Variants in PCDHGA7 observed in about 807,000 individuals in gnomAD.
PCDHGA7 encodes the protein protocadherin gamma subfamily A, 7.
Under a neutral mutation model 58.3 loss-of-function variants are expected in PCDHGA7, and 44 were observed. That is an observed-to-expected ratio of 0.75 (90% CI 0.59 to 0.97). The LOEUF is 0.97. Ranked by LOEUF, PCDHGA7 falls within the 50% of genes least tolerant of loss-of-function variation. PCDHGA7 has a pLI of 0.00. For missense variants in PCDHGA7, 1,266 were observed against 1,188.7 expected (o/e 1.06, Z -0.96); for synonymous variants, 516 against 504.2 (o/e 1.02, Z -0.31).
chr5:141,423,544 C>G, intron 1 of PCDHGA7: 1 of 1,613,744 alleles, frequency 6.2e-7, no homozygotes, highest in African/African-American at 1.3e-5. Flanking sequence ...GATTTTCCCC[C>G]AGCCCAACTA....
intron 1 of PCDHGA7, chr5:141,394,262 G>A: frequency 6.2e-7 from 1 of 1,613,952 alleles, no homozygotes; most frequent in Non-Finnish European, 8.5e-7. Flanking sequence ...ACAGCCAGGA[G>A]AATGCCCAGG....
intron 1 of PCDHGA7, chr5:141,422,608 T>A: frequency 5.0e-6 from 8 of 1,613,956 alleles, no homozygotes; most frequent in Non-Finnish European, 5.1e-6. Context: ...TTACTCTGCC[T>A]ACATTCCCGA....
Position 141,432,731 on chromosome 5 carries a change from G to C in PCDHGA7, c.2424+47408G>C, listed in dbSNP as rs1244820860. On this transcript the variant is annotated intron_variant, in intron 1 of 3. Coordinates refer to ENST00000518325, the MANE Select transcript of PCDHGA7 (RefSeq NM_018920.4). This position sits in a 1 kb window ranked among gnomAD's most constrained non-coding sequence, Gnocchi z 6.0. ...CGGCCAGCCCCCTCTCTCCGCCACT[G>C]TCACGCTCACCGTGGCCGTGGCCGA... The C allele has an allele frequency of 6.2e-7, 1 of 1,614,068 alleles. No homozygotes were observed.
rs540507159 is a variant in PCDHGA7 at position 141,422,671 on chromosome 5, A to G, written c.2424+37348A>G. On this transcript the variant is annotated intron_variant, in intron 1 of 3. Coordinates refer to ENST00000518325, the MANE Select transcript of PCDHGA7 (RefSeq NM_018920.4). The stretch of plus-strand genomic sequence containing the variant: ...CTCAGTGACCGCCCTCGACCCGGAC[A>G]GCAAACAGAATGCCCTGGTCACTTA... 4 of 1,607,248 alleles carry G rather than the reference A, an allele frequency of 2.5e-6. No homozygotes were observed. The Admixed American group carries it at 5.0e-5, about 20-fold the overall frequency.
chr5:141,409,226 G>A (rs753236012), intron 1 of PCDHGA7: 1 of 1,613,862 alleles, frequency 6.2e-7, no homozygotes, highest in African/African-American at 1.3e-5. Flanking sequence ...TGATGAAAAC[G>A]ACAACAGCCC....
At chr5:141,395,437 G>T in intron 1 of PCDHGA7, 1 of 668,370 alleles carries the variant, frequency 1.5e-6, no homozygotes, top group Non-Finnish European at 2.4e-6. Context: ...TAAACGACTT[G>T]GAAAAGATTG....
chr5:141,504,786 C>T (rs568185327), intron 2 of PCDHGA7, among the ~76,000 whole-genome samples: 1 of 152,132 alleles, frequency 6.6e-6, no homozygotes, highest in Non-Finnish European at 1.5e-5. Flanking sequence ...TCTCTTGGGG[C>T]CTCCTACATC....
chr5:141,389,137 T>C, intron 1 of PCDHGA7: 1 of 1,614,020 alleles, frequency 6.2e-7, no homozygotes. Flanking sequence ...GAGTACAATA[T>C]AACCGTTACG....
intron 1 of PCDHGA7, chr5:141,423,751 G>GGC: frequency 2.9e-6 from 1 of 349,040 alleles, no homozygotes; most frequent in African/African-American, 6.5e-5. Context: ...AAAACTGTTT[G>GGC]GGGGGGGGGT....
intron 1 of PCDHGA7, among the ~76,000 whole-genome samples, chr5:141,461,288 A>G (rs1049761514): frequency 2.0e-5 from 3 of 152,092 alleles, no homozygotes; most frequent in Admixed American, 1.3e-4. Flanking sequence ...CCCCACATCC[A>G]CACCAACATC....
At chr5:141,453,351 C>T (rs1210851703) in intron 1 of PCDHGA7, among the ~76,000 whole-genome samples, 3 of 151,738 alleles carry the variant, frequency 2.0e-5, no homozygotes, top group African/African-American at 7.3e-5. Context: ...CCAGGCTGAC[C>T]CTGAACTCCT....
intron 1 of PCDHGA7, chr5:141,423,848 G>A: frequency 1.6e-6 from 2 of 1,277,462 alleles, no homozygotes; most frequent in Non-Finnish European, 2.0e-6. Flanking sequence ...TAATCTTTCA[G>A]AACGTTTTTG....
chr5:141,420,826 C>G (rs1246534925), intron 1 of PCDHGA7, among the ~76,000 whole-genome samples: 1 of 152,216 alleles, frequency 6.6e-6, no homozygotes, highest in Non-Finnish European at 1.5e-5. Flanking sequence ...AATAATTACT[C>G]CTTTCGCAGG....
intron 1 of PCDHGA7, chr5:141,392,578 A>G: frequency 2.2e-6 from 1 of 461,792 alleles, no homozygotes; most frequent in Non-Finnish European, 3.8e-6. Context: ...TTAGGACTGT[A>G]AGCGCCGCTG....
chr5:141,423,969 C>G, intron 1 of PCDHGA7: 1 of 1,147,718 alleles, frequency 8.7e-7, no homozygotes, highest in Non-Finnish European at 1.1e-6. Flanking sequence ...TTTCTATTAT[C>G]AGTGTATGAG....
chr5:141,422,539 C>T (rs1335732614), intron 1 of PCDHGA7: 6 of 1,613,876 alleles, frequency 3.7e-6, no homozygotes, highest in Middle Eastern at 1.6e-4. Context: ...TGCAGAAACT[C>T]ATGTCTGGCT....
rs766191511 is a variant in PCDHGA7, at chr5:141,432,498, G to T, written c.2424+47175G>T. ...TCCACTGGCGTGGAGCTGGCTCCCC[G>T]CTCCGCAGAGCCCGGCTACCTGGTG... On this transcript the variant is annotated intron_variant, in intron 1 of 3. Coordinates refer to ENST00000518325, the MANE Select transcript of PCDHGA7 (RefSeq NM_018920.4). The surrounding 1 kb of genome is among the most constrained non-coding windows in gnomAD (Gnocchi z 6.0). The T allele has an allele frequency of 6.2e-7, 1 of 1,614,106 alleles. No homozygotes were observed. The highest frequency in any genetic ancestry group is 8.5e-7 in the Non-Finnish European group (1 of 1,180,052).
chr5:141,384,870 C>G lies in PCDHGA7; in HGVS notation c.1971C>G (p.Thr657=). The change falls in exon 1 of 4, where the codon ACC becomes ACG. Residue 657 remains threonine (T), a synonymous_variant. Transcript: ENST00000518325. ...ACGGTCAGCCTCCTCTGTCAGCCACCGTCACACTCACCGTGGCTGTGGCTG... is the reference window on the plus strand; with the variant it reads ...ACGGTCAGCCTCCTCTGTCAGCCACGGTCACACTCACCGTGGCTGTGGCTG... ...QDHGQPPLSA[T]VTLTVAVADS... is the part of the protein sequence containing the mutation. 2.5e-6 allele frequency: 4 copies of G among 1,613,806 alleles called. No homozygotes were observed. Among genetic ancestry groups the G allele is most frequent in the South Asian group, 1.1e-5 (1 of 91,088 alleles).
chr5:141,510,959 G>A lies in PCDHGA7; in HGVS notation c.2585G>A (p.Gly862Glu). 6.2e-7 allele frequency: 1 copy of A among 1,614,110 alleles called. No individual in the cohort carries two copies. Among genetic ancestry groups the A allele is most frequent in the Non-Finnish European group, 8.5e-7 (1 of 1,180,012 alleles). Residue 862 changes from glycine to glutamate, a missense_variant, in exon 4 of 4, where the codon GGG becomes GAG. Coordinates refer to ENST00000518325, the MANE Select transcript of PCDHGA7 (RefSeq NM_018920.4). ...TCTGTCTCTGCAGAAGCTGCTGATG[G>A]GAGCTCCACCCTGGGAGGGGGTGCC... ...ILASASEAADGSSTLGGGAGT... is the reference protein window; with the variant it reads ...ILASASEAADESSTLGGGAGT...
Sources: gnomAD v4.1 joint callset for allele counts (sites outside exome capture counted in the v4.1 genomes callset) on GRCh38, gnomAD v4.1.1 for gene constraint, Gnocchi (gnomAD v3.1) non-coding constraint, MANE v1.5 for transcripts, NCBI Gene and HGNC (gene_info 2026-07-23, HGNC 2026-07-21) for gene names.